PPP4R1: variants seen among roughly 807,000 people sequenced by gnomAD.
PPP4R1 encodes serine/threonine-protein phosphatase 4 regulatory subunit 1.
PPP4R1 carries 42 observed loss-of-function variants against 111.2 expected under a neutral mutation model. That is an observed-to-expected ratio of 0.38 (90% confidence interval 0.29 to 0.49). The LOEUF (loss-of-function observed/expected upper bound fraction) is 0.49. Among genes scored for constraint, PPP4R1 ranks in the 20% least tolerant of loss-of-function variants. The pLI, the probability that PPP4R1 is intolerant of heterozygous loss-of-function variation, is 0.97. For synonymous variants in PPP4R1, 409 were observed against 405.5 expected (o/e 1.01, Z -0.10); for missense variants, 1,012 against 1,161.6 (o/e 0.87, Z 1.87).
At chr18:9,575,055 T>C (rs1313187340) in intron 10 of PPP4R1, among the ~76,000 whole-genome samples, 1 of 152,250 alleles carries the variant, frequency 6.6e-6, no homozygotes, top group African/African-American at 2.4e-5. Context: ...GTAAGTCAGA[T>C]GTTTGGAATC....
At chr18:9,555,089 G>A (rs564043196) in intron 15 of PPP4R1, among the ~76,000 whole-genome samples, 1 of 152,238 alleles carries the variant, frequency 6.6e-6, no homozygotes, top group Admixed American at 6.5e-5. Context: ...GATCACTTGA[G>A]CCCAGGAGTT....
At chr18:9,555,264 T>G (rs1360191937) in intron 15 of PPP4R1, among the ~76,000 whole-genome samples, 1 of 152,002 alleles carries the variant, frequency 6.6e-6, no homozygotes, top group Non-Finnish European at 1.5e-5. Flanking sequence ...ATTGCATCAT[T>G]ACACTCCAGC....
chr18:9,592,270 G>A (rs2067223512), intron 4 of PPP4R1, among the ~76,000 whole-genome samples: 2 of 152,054 alleles, frequency 1.3e-5, no homozygotes, highest in Admixed American at 6.6e-5. Flanking sequence ...TTCTAACCTG[G>A]AAACTCAGCA....
At chr18:9,583,044 G>A (rs2067055854) in intron 9 of PPP4R1, 73 bp downstream of exon 9, 4 of 1,292,628 alleles carry the variant, frequency 3.1e-6, no homozygotes, top group Non-Finnish European at 4.2e-6. Flanking sequence ...TATTTCTTAT[G>A]AGGTCAAAAT....
chr18:9,580,348 C>CT (rs2067006564), intron 9 of PPP4R1, among the ~76,000 whole-genome samples: 1 of 105,392 alleles, frequency 9.5e-6, no homozygotes, highest in Non-Finnish European at 1.9e-5. Context: ...AGCTGAGAGT[C>CT]TAATTTTTTT....
In PPP4R1 at chr18:9,557,370, G is replaced by A; in HGVS notation, c.2041C>T (p.Arg681Ter). 2.5e-6 allele frequency: 4 copies of A among 1,600,990 alleles called. No homozygotes were observed. Among genetic ancestry groups the A allele is most frequent in the Non-Finnish European group, 1.7e-6 (2 of 1,176,640 alleles). ...LASDMQWKVR[R>*]TLAFSIHELA... Reference sequence around the variant, plus strand: ...TCGTGGATGGAGAATGCTAGAGTTCGTCGAACTTTCCACTGCAGAAATGAA... The same window carrying A: ...TCGTGGATGGAGAATGCTAGAGTTCATCGAACTTTCCACTGCAGAAATGAA... Residue 681 changes from arginine to a stop codon, truncating the protein, a stop_gained, in exon 15 of 20, where the codon CGA becomes TGA. Coordinates refer to ENST00000400556, the MANE Select transcript of PPP4R1 (RefSeq NM_001042388.3). LOFTEE classifies it high-confidence loss of function.
intron 11 of PPP4R1, among the ~76,000 whole-genome samples, chr18:9,568,904 G>A (rs1395623807): frequency 4.6e-5 from 7 of 152,012 alleles, no homozygotes; most frequent in African/African-American, 1.2e-4. Context: ...GCATGGTGGC[G>A]CACGCCTGTA....
chr18:9,606,368 C>T (rs1428400445), intron 2 of PPP4R1, among the ~76,000 whole-genome samples: 1 of 152,152 alleles, frequency 6.6e-6, no homozygotes, highest in African/African-American at 2.4e-5. Flanking sequence ...GTCATGGCTG[C>T]TTTTACCTTA....
At chr18:9,549,101 G>T in intron 19 of PPP4R1, 96 bp downstream of exon 19, 1 of 1,424,666 alleles carries the variant, frequency 7.0e-7, no homozygotes, top group Non-Finnish European at 9.8e-7. Flanking sequence ...TTTTCTCTGA[G>T]CAGACAATAC....
chr18:9,616,050 C>T (rs2067684599), upstream of PPP4R1, among the ~76,000 whole-genome samples: 1 of 152,110 alleles, frequency 6.6e-6, no homozygotes, highest in Non-Finnish European at 1.5e-5. Context: ...AACTAAAGGC[C>T]TTTCTCTTCC....
At chr18:9,572,451 G>C (rs1256814404) in intron 10 of PPP4R1, among the ~76,000 whole-genome samples, 1 of 152,018 alleles carries the variant, frequency 6.6e-6, no homozygotes, top group Non-Finnish European at 1.5e-5. Context: ...AAAGAATATG[G>C]GCTTCAAAAA....
At chr18:9,561,940 G>A in intron 13 of PPP4R1, 40 bp downstream of exon 13, 1 of 1,509,836 alleles carries the variant, frequency 6.6e-7, no homozygotes, top group Non-Finnish European at 9.2e-7. Flanking sequence ...AGAGGAATTA[G>A]GAACACACCC....
rs771138571 is a variant in PPP4R1, at chr18:9,580,299, T to C, written c.918+2818A>G. Reference sequence around the variant, plus strand: ...CAAGCAGCAATTGAAGGGATAACAATTAAAGAAAACTGACAAAATGTAGTA... The same window carrying C: ...CAAGCAGCAATTGAAGGGATAACAACTAAAGAAAACTGACAAAATGTAGTA... On this transcript the variant is annotated intron_variant, in intron 9 of 19. Coordinates refer to ENST00000400556, the MANE Select transcript of PPP4R1 (RefSeq NM_001042388.3). 2.6e-5 allele frequency among the ~76,000 whole-genome samples: 4 copies of C among 151,218 alleles called. No individual in the cohort carries two copies. The South Asian group carries it at 8.3e-4, about 31-fold the overall frequency.
rs978479617 is a variant in PPP4R1 at position 9,546,937 on chromosome 18, T to G, written c.*852A>C. 2 of 152,378 alleles carry G rather than the reference T, an allele frequency of 1.3e-5. No homozygotes were observed. Among genetic ancestry groups the G allele is most frequent in the Admixed American group, 6.5e-5 (1 of 15,308 alleles). 9.4% of individuals were successfully genotyped at this position (152,378 alleles called of 1,614,324 possible). A position where few individuals can be genotyped will look rare whatever the true frequency, so the allele number is the denominator to read the frequency against. On this transcript the variant is annotated 3_prime_UTR_variant, in exon 20 of 20. Coordinates refer to ENST00000400556, the MANE Select transcript of PPP4R1 (RefSeq NM_001042388.3). ...ATAGATCTTATTAATAAATTTTATT[T>G]GGACAAGAGAACTTGTGCCACAACA...
intron 15 of PPP4R1, among the ~76,000 whole-genome samples, chr18:9,555,035 C>T (rs574886668): frequency 6.6e-6 from 1 of 152,366 alleles, no homozygotes; most frequent in South Asian, 2.1e-4. Flanking sequence ...AGCATAGTGG[C>T]TCACATCTGT....
intron 16 of PPP4R1, among the ~76,000 whole-genome samples, chr18:9,552,564 T>A (rs191694455): frequency 6.6e-6 from 1 of 152,246 alleles, no homozygotes; most frequent in South Asian, 2.1e-4. Context: ...CATACATTGC[T>A]GATGGGAATG....
intron 2 of PPP4R1, among the ~76,000 whole-genome samples, chr18:9,602,414 C>T (rs961687401): frequency 8.3e-4 from 118 of 141,438 alleles, no homozygotes; most frequent in Non-Finnish European, 1.4e-3. Context: ...GGCGTGGTGG[C>T]GGGCGCCTGT....
chr18:9,568,807 A>T (rs1374029895), intron 11 of PPP4R1, among the ~76,000 whole-genome samples: 1 of 152,182 alleles, frequency 6.6e-6, no homozygotes, highest in Non-Finnish European at 1.5e-5. Context: ...AGGCCAAGGC[A>T]GGCGGATCAC....
chr18:9,562,891 C>G, intron 12 of PPP4R1: 1 of 986,514 alleles, frequency 1.0e-6, no homozygotes, highest in Non-Finnish European at 1.2e-6. Flanking sequence ...TACAAGTACA[C>G]AGTGAAGATG....
Sources: gnomAD v4.1 joint callset for allele counts (sites outside exome capture counted in the v4.1 genomes callset) on GRCh38, gnomAD v4.1.1 for gene constraint, MANE v1.5 for transcripts, NCBI Gene and HGNC (gene_info 2026-07-23, HGNC 2026-07-21) for gene names.